The following ADGRL3 variants were observed in gnomAD, a reference collection of about 807,000 sequenced individuals.
ADGRL3 encodes calcium-independent alpha-latrotoxin receptor 3.
In ADGRL3, 62 loss-of-function variants were observed where a neutral mutation model predicts 153.5. That is an observed-to-expected ratio of 0.40 (90% CI 0.33 to 0.50). The LOEUF is 0.50. ADGRL3 is among the 20% of genes least tolerant of loss of function. ADGRL3 has a pLI of 0.47. For missense variants in ADGRL3, 1,641 were observed against 1,859.4 expected, an observed-to-expected ratio of 0.88 and a Z score of 2.16; for synonymous variants, 710 against 672.5, an observed-to-expected ratio of 1.06 and a Z score of -0.86.
chr4:61,292,390 A>G (rs1280610440), intron 1 of ADGRL3, among the ~76,000 whole-genome samples: 1 of 152,166 alleles, frequency 6.6e-6, no homozygotes, highest in Non-Finnish European at 1.5e-5. Context: ...TAGTTGTGAA[A>G]CTAGTAATAT....
At chr4:61,431,241 T>C (rs183568904) in intron 2 of ADGRL3, among the ~76,000 whole-genome samples, 14 of 152,320 alleles carry the variant, frequency 9.2e-5, no homozygotes, top group African/African-American at 2.2e-4. Flanking sequence ...GACCACGAAA[T>C]AGGATCTTTA....
chr4:61,335,589 G>A (rs1242917405), intron 1 of ADGRL3, among the ~76,000 whole-genome samples: 1 of 152,076 alleles, frequency 6.6e-6, no homozygotes, highest in Admixed American at 6.6e-5. Context: ...TTTACTTAGA[G>A]CAATTTAGCC....
At chr4:61,746,353 G>A (rs60025474) in intron 8 of ADGRL3, among the ~76,000 whole-genome samples, 13,236 of 151,906 alleles carry the variant, frequency 0.087, 1,219 homozygotes, top group African/African-American at 0.23. Context: ...TGCACCAAGC[G>A]GACCTAATAC....
intron 17 of ADGRL3, among the ~76,000 whole-genome samples, chr4:61,970,680 G>A (rs1359741846): frequency 6.6e-6 from 1 of 152,112 alleles, no homozygotes; most frequent in East Asian, 1.9e-4. Flanking sequence ...ATTTAGATTG[G>A]TTTTTCAATT....
chr4:61,549,088 T>A (rs1407864502), intron 4 of ADGRL3, among the ~76,000 whole-genome samples: 1 of 152,104 alleles, frequency 6.6e-6, no homozygotes, highest in East Asian at 1.9e-4. Flanking sequence ...TATTTTATTC[T>A]TTTTGTGGCT....
At position 61,979,629 on chromosome 4, in the gene ADGRL3, G is replaced by A; in HGVS notation, c.2872G>A (p.Val958Ile). ...ITWVGILLSLVCLLICIFTFC... is the reference protein window; with the variant it reads ...ITWVGILLSLICLLICIFTFC... The stretch of plus-strand genomic sequence containing the variant: ...GTGGGTTGGAATTTTGCTGTCCCTT[G>A]TTTGTCTCCTGATTTGCATCTTCAC... The change falls in exon 18 of 27, where the codon GTT (valine) becomes ATT (isoleucine). Residue 958 changes from valine to isoleucine, a missense_variant. Coordinates refer to ENST00000683033, the MANE Select transcript of ADGRL3 (RefSeq NM_001387552.1). 1 of 1,613,892 alleles carries A rather than the reference G, an allele frequency of 6.2e-7. No individual in the cohort carries two copies. The highest frequency in any genetic ancestry group is 8.5e-7 in the Non-Finnish European group (1 of 1,179,866).
intron 25 of ADGRL3, among the ~76,000 whole-genome samples, chr4:62,054,996 G>A (rs1424272441): frequency 2.0e-5 from 3 of 151,728 alleles, no homozygotes; most frequent in African/African-American, 7.2e-5. Flanking sequence ...GAGAGAATAA[G>A]TGCACTGTTC....
chr4:61,752,938 A>G (rs573491666), intron 8 of ADGRL3, among the ~76,000 whole-genome samples: 4 of 152,052 alleles, frequency 2.6e-5, no homozygotes, highest in Non-Finnish European at 5.9e-5. Flanking sequence ...TGTATCAAAA[A>G]TATATATGTA....
At chr4:61,921,079 A>G (rs1319723598) in intron 13 of ADGRL3, among the ~76,000 whole-genome samples, 1 of 152,094 alleles carries the variant, frequency 6.6e-6, no homozygotes, top group African/African-American at 2.4e-5. Context: ...CCCTAGATAT[A>G]GATAAAAATG....
At chr4:61,272,342 A>T (rs2093234481) in intron 1 of ADGRL3, among the ~76,000 whole-genome samples, 1 of 152,052 alleles carries the variant, frequency 6.6e-6, no homozygotes, top group African/African-American at 2.4e-5. Context: ...TTTAAAAGTA[A>T]GAAAAGAAAA....
At chr4:61,203,298 C>G (rs1560353051) in intron 1 of ADGRL3, among the ~76,000 whole-genome samples, 1 of 152,188 alleles carries the variant, frequency 6.6e-6, no homozygotes, top group African/African-American at 2.4e-5. Flanking sequence ...CAGGGTGTCT[C>G]CTCCCTGTGT....
chr4:61,990,548 G>C (rs1049401305), intron 19 of ADGRL3, among the ~76,000 whole-genome samples: 3 of 151,772 alleles, frequency 2.0e-5, no homozygotes, highest in African/African-American at 7.3e-5. Flanking sequence ...TTAAATAAAT[G>C]ATTTATGATA....
rs1422971330 is a variant in ADGRL3 at position 62,037,757 on chromosome 4, G to A, written c.3618G>A (p.Leu1206=). 1.2e-6 allele frequency: 2 copies of A among 1,613,632 alleles called. No homozygotes were observed. The highest frequency in any genetic ancestry group is 1.7e-5 in the Admixed American group (1 of 59,990). ...KKVRKEYGKC[L]RTHCCSGKST... Reference sequence around the variant, plus strand: ...TACGAAAAGAGTATGGGAAATGCCTGCGAACACATTGCTGTAGTGGCAAAA... The same window carrying A: ...TACGAAAAGAGTATGGGAAATGCCTACGAACACATTGCTGTAGTGGCAAAA... Residue 1206 remains leucine, a synonymous_variant, in exon 24 of 27, where the codon CTG becomes CTA. Coordinates refer to ENST00000683033, the MANE Select transcript of ADGRL3 (RefSeq NM_001387552.1).
At chr4:61,744,880 G>C (rs1407813107) in intron 8 of ADGRL3, among the ~76,000 whole-genome samples, 1 of 152,198 alleles carries the variant, frequency 6.6e-6, no homozygotes, top group Non-Finnish European at 1.5e-5. Flanking sequence ...ACTTTGATGA[G>C]TTGAGAGAAG....
intron 21 of ADGRL3, among the ~76,000 whole-genome samples, chr4:62,006,111 T>C (rs1315557972): frequency 2.0e-5 from 3 of 147,236 alleles, no homozygotes; most frequent in African/African-American, 7.5e-5. Context: ...CTCGGCTCAC[T>C]GCAACATCCA....
chr4:61,819,389 TA>T (rs1308189673), intron 9 of ADGRL3, among the ~76,000 whole-genome samples: 1 of 152,130 alleles, frequency 6.6e-6, no homozygotes, highest in Non-Finnish European at 1.5e-5. Context: ...TTTCTTTTTC[TA>T]TTTTTCTACT....
At position 62,070,320 on chromosome 4, in the gene ADGRL3, C is replaced by T. The variant is rs777866045; in HGVS notation, c.4044C>T (p.Asn1348=). ...TSNYIPSYLN[N]HERSSEQNRN... is the part of the protein sequence containing the mutation. The stretch of plus-strand genomic sequence containing the variant: ...ACTATATCCCTTCTTACCTGAACAA[C>T]CATGAGCGCTCCAGTGAACAGAACA... Residue 1348 remains asparagine, a synonymous_variant, in exon 27 of 27, where the codon AAC becomes AAT. Transcript: ENST00000683033. 1 of 1,555,022 alleles carries T rather than the reference C, an allele frequency of 6.4e-7. No individual in the cohort carries two copies.
At chr4:61,781,461 G>A (rs1201819690) in intron 8 of ADGRL3, among the ~76,000 whole-genome samples, 1 of 151,846 alleles carries the variant, frequency 6.6e-6, no homozygotes, top group East Asian at 1.9e-4. Context: ...TTTTCTATAT[G>A]CATCATTATA....
intron 9 of ADGRL3, among the ~76,000 whole-genome samples, chr4:61,833,575 G>C (rs755115925): frequency 6.6e-6 from 1 of 152,134 alleles, no homozygotes; most frequent in Admixed American, 6.5e-5. Context: ...AAGATTAGAT[G>C]AGCCAGTTTA....
Sources: allele counts gnomAD v4.1 joint callset (sites outside exome capture counted in the v4.1 genomes callset), GRCh38; gene constraint gnomAD v4.1.1; transcripts MANE v1.5; gene names NCBI Gene and HGNC (gene_info 2026-07-23, HGNC 2026-07-21).